The following PITPNM2 variants were observed in gnomAD, a reference collection of about 807,000 sequenced individuals.
The protein encoded by PITPNM2 is membrane-associated phosphatidylinositol transfer protein 2.
A neutral mutation model predicts 132.2 loss-of-function variants in PITPNM2; 35 were observed. That is an observed-to-expected ratio of 0.26 (90% CI 0.20 to 0.35). The LOEUF (loss-of-function observed/expected upper bound fraction) is 0.35, where lower values mean the gene tolerates loss of function less well. Ranked by LOEUF, PITPNM2 falls within the 10% of genes least tolerant of loss-of-function variation. The pLI is 1.00. For synonymous variants in PITPNM2, 738 were observed against 799.2 expected, an observed-to-expected ratio of 0.92 and a Z score of 1.29; for missense variants, 1,332 against 1,912.0, an observed-to-expected ratio of 0.70 and a Z score of 5.66.
intron 2 of PITPNM2, among the ~76,000 whole-genome samples, chr12:123,096,545 G>C (rs1417886120): frequency 6.6e-6 from 1 of 152,160 alleles, no homozygotes; most frequent in East Asian, 1.9e-4. Flanking sequence ...AGGAATGAGA[G>C]AGAACCCAAA....
intron 13 of PITPNM2, 130 bp from the exon 14 acceptor site, chr12:122,995,790 A>G: frequency 7.9e-7 from 1 of 1,267,214 alleles, no homozygotes; most frequent in African/African-American, 1.5e-5. Flanking sequence ...CTCTTGCCAA[A>G]CCAGAGGGGA....
chr12:123,001,483 G>C (rs1396952717), intron 8 of PITPNM2, among the ~76,000 whole-genome samples: 1 of 152,198 alleles, frequency 6.6e-6, no homozygotes, highest in Non-Finnish European at 1.5e-5. Context: ...GCCTTCCTTG[G>C]CCCCTGGCCA....
intron 14 of PITPNM2, 22 bp downstream of exon 14, chr12:122,995,367 C>G (rs1266299712): frequency 6.4e-7 from 1 of 1,565,104 alleles, no homozygotes; most frequent in Non-Finnish European, 8.7e-7. Flanking sequence ...GAGGCAAGCC[C>G]CAGCCCCCCA....
intron 2 of PITPNM2, among the ~76,000 whole-genome samples, chr12:123,079,225 G>C (rs1453272036): frequency 6.6e-6 from 1 of 152,050 alleles, no homozygotes. Context: ...CAGCAGGTCT[G>C]CATCCGGCAC....
rs903445956 is a variant in PITPNM2, at chr12:123,023,765, A to G, written c.79-9723T>C. 1.3e-5 allele frequency among the ~76,000 whole-genome samples: 2 copies of G among 152,240 alleles called. No individual in the cohort carries two copies. The highest frequency in any genetic ancestry group is 4.8e-5 in the African/African-American group (2 of 41,464). ...TGACACCAAAAGCACAAGCAACAAAAGAAAAGACAGATAAACTGGACCTCA... is the reference window on the plus strand; with the variant it reads ...TGACACCAAAAGCACAAGCAACAAAGGAAAAGACAGATAAACTGGACCTCA... On this transcript the variant is annotated intron_variant, in intron 3 of 25. Transcript: ENST00000320201. The surrounding 1 kb of genome is among the most constrained non-coding windows in gnomAD (Gnocchi z 4.8).
At chr12:123,105,821 G>A (rs945952782) in intron 2 of PITPNM2, among the ~76,000 whole-genome samples, 5 of 151,952 alleles carry the variant, frequency 3.3e-5, no homozygotes, top group Admixed American at 2.0e-4. Context: ...GAAACGAGAG[G>A]AAGAAGGAAA....
chr12:123,020,727 G>C (rs929380966), intron 3 of PITPNM2, among the ~76,000 whole-genome samples: 1 of 152,098 alleles, frequency 6.6e-6, no homozygotes, highest in Non-Finnish European at 1.5e-5. Context: ...GGCTGCAGTT[G>C]AAAGTGGTCA....
intron 6 of PITPNM2, among the ~76,000 whole-genome samples, chr12:123,006,737 A>G (rs956093287): frequency 1.3e-5 from 2 of 150,152 alleles, no homozygotes; most frequent in Non-Finnish European, 3.0e-5. Context: ...AATAATAATA[A>G]TAATAATAAT....
At chr12:123,040,117 G>A (rs1487621358) in intron 2 of PITPNM2, among the ~76,000 whole-genome samples, 1 of 152,046 alleles carries the variant, frequency 6.6e-6, no homozygotes, top group Non-Finnish European at 1.5e-5. Flanking sequence ...GCAACAGAGC[G>A]AGACCCTATC....
chr12:122,990,423 G>A, intron 17 of PITPNM2, 122 bp downstream of exon 17: 1 of 1,388,350 alleles, frequency 7.2e-7, no homozygotes, highest in Non-Finnish European at 9.7e-7. Flanking sequence ...CCCACCAGGT[G>A]CCAGCAGCAG....
At chr12:122,995,774 G>A in intron 13 of PITPNM2, 114 bp from the exon 14 acceptor site, 3 of 1,388,190 alleles carry the variant, frequency 2.2e-6, no homozygotes, top group Non-Finnish European at 2.8e-6. Flanking sequence ...CCACTGTCCA[G>A]CCGGCCTCTT....
intron 21 of PITPNM2, 52 bp from the exon 22 acceptor site, chr12:122,987,711 C>T: frequency 6.2e-7 from 1 of 1,611,712 alleles, no homozygotes; most frequent in African/African-American, 1.3e-5. Flanking sequence ...TCTCCACCCC[C>T]TGCACCCCGG....
rs772326530 is a variant in PITPNM2, at chr12:122,992,478, G to A, written c.2404+21C>T. 2.5e-6 allele frequency: 4 copies of A among 1,600,130 alleles called. No homozygotes were observed. The highest frequency in any genetic ancestry group is 3.4e-6 in the Non-Finnish European group (4 of 1,174,132). On this transcript the variant is annotated intron_variant, in intron 16 of 25. Transcript: ENST00000320201. The surrounding 1 kb of genome is among the most constrained non-coding windows in gnomAD (Gnocchi z 6.5). ...TTACCCCACCTTCCCCCAGAGGAGT[G>A]GGGCGGAATGTGCCTCTCACCCAGC...
At chr12:123,101,161 T>C (rs1183713980) in intron 2 of PITPNM2, among the ~76,000 whole-genome samples, 2 of 152,268 alleles carry the variant, frequency 1.3e-5, no homozygotes, top group Non-Finnish European at 2.9e-5. Flanking sequence ...TTCTTTCCTT[T>C]GGTCAAAGTT....
At chr12:123,065,806 T>C (rs960501964) in intron 2 of PITPNM2, among the ~76,000 whole-genome samples, 27 of 152,048 alleles carry the variant, frequency 1.8e-4, no homozygotes, top group African/African-American at 6.3e-4. Flanking sequence ...TGGGAAGGAA[T>C]GGATGGTGGT....
chr12:123,098,829 T>G (rs2042478230), intron 2 of PITPNM2, among the ~76,000 whole-genome samples: 1 of 152,058 alleles, frequency 6.6e-6, no homozygotes, highest in Admixed American at 6.5e-5. Flanking sequence ...CCAATCTCCA[T>G]CCTGCCAGCC....
chr12:123,131,597 G>T (rs1234701649), intron 1 of PITPNM2, among the ~76,000 whole-genome samples: 1 of 152,184 alleles, frequency 6.6e-6, no homozygotes, highest in African/African-American at 2.4e-5. Flanking sequence ...GAGGCTCCAG[G>T]AGGCAGAGGG....
Position 123,023,191 on chromosome 12 carries a change from C to T in PITPNM2, c.79-9149G>A, listed in dbSNP as rs1190196914. Among the ~76,000 whole-genome samples the T allele has an allele frequency of 6.6e-6, 1 of 152,252 alleles. No homozygotes were observed. Among genetic ancestry groups the T allele is most frequent in the Non-Finnish European group, 1.5e-5 (1 of 68,048 alleles). ...GCCTGACCCCAGGGTAGAAATGTGT[C>T]TCCTGGACTTGGTGTATGGCGCAGG... On this transcript the variant is annotated intron_variant, in intron 3 of 25. Transcript: ENST00000320201. This position sits in a 1 kb window ranked among gnomAD's most constrained non-coding sequence, Gnocchi z 4.8.
intron 22 of PITPNM2, 36 bp downstream of exon 22, chr12:122,987,475 C>G: frequency 6.2e-7 from 1 of 1,611,078 alleles, no homozygotes; most frequent in Non-Finnish European, 8.5e-7. Context: ...CAGAGCCTCG[C>G]CCTGCCTATC....
Sources: allele counts gnomAD v4.1 joint callset (sites outside exome capture counted in the v4.1 genomes callset), GRCh38; gene constraint gnomAD v4.1.1; non-coding constraint Gnocchi (gnomAD v3.1); transcripts MANE v1.5; gene names NCBI Gene and HGNC (gene_info 2026-07-23, HGNC 2026-07-21).